The following RNF125 variants were observed in gnomAD, a reference collection of about 807,000 sequenced individuals.
RNF125 encodes the protein ring finger protein 125, also known as E3 ubiquitin-protein ligase RNF125.
Under a neutral mutation model 26.0 loss-of-function variants are expected in RNF125, and 21 were observed. The observed-to-expected ratio is 0.81, with a 90% confidence interval of 0.57 to 1.16. The LOEUF (loss-of-function observed/expected upper bound fraction) is 1.16, where lower values mean the gene tolerates loss of function less well. Among genes scored for constraint, RNF125 ranks in the 50% most tolerant of loss-of-function variants. The pLI is 0.00. For synonymous variants in RNF125, 95 were observed against 109.2 expected (o/e 0.87, Z 0.81); for missense variants, 270 against 299.4 (o/e 0.90, Z 0.72).
chr18:32,058,347 T>C (rs1412192289), intron 4 of RNF125, among the ~76,000 whole-genome samples: 1 of 128,948 alleles, frequency 7.8e-6, no homozygotes, highest in East Asian at 2.3e-4. Flanking sequence ...ACAATCCAAT[T>C]ATACTCTTTT....
At chr18:32,038,108 G>C (rs1426393644) in intron 2 of RNF125, among the ~76,000 whole-genome samples, 4 of 148,594 alleles carry the variant, frequency 2.7e-5, no homozygotes, top group Non-Finnish European at 5.9e-5. Flanking sequence ...CAGTGTAGTG[G>C]CGCCATCTCG....
intron 1 of RNF125, chr18:32,031,484 GGGAAAAAAAAAAAAA>G (rs781036053): frequency 1.3e-5 from 1 of 79,094 alleles, no homozygotes; most frequent in African/African-American, 8.2e-5. Flanking sequence ...CTCAAATTGT[GGGAAAAAAAAAAAAA>G]AAAAAAAAAA....
At chr18:32,032,805 G>C (rs1429969574) in intron 1 of RNF125, among the ~76,000 whole-genome samples, 1 of 152,110 alleles carries the variant, frequency 6.6e-6, no homozygotes, top group Admixed American at 6.6e-5. Context: ...GTTGCAGTGA[G>C]CCGAGATTGC....
chr18:32,080,863 G>A, the RNF125 span, among the ~76,000 whole-genome samples: 1 of 152,170 alleles, frequency 6.6e-6, no homozygotes, highest in African/African-American at 2.4e-5. Context: ...GGGACTGTGC[G>A]AGACTGCGTC....
chr18:32,088,752 G>A, the RNF125 span, among the ~76,000 whole-genome samples: 11 of 152,094 alleles, frequency 7.2e-5, no homozygotes, highest in Admixed American at 2.0e-4. Context: ...TGCCTGCCTC[G>A]GCCTCCCAGA....
chr18:32,024,071 A>G (rs1007920608), intron 1 of RNF125, among the ~76,000 whole-genome samples: 2 of 151,660 alleles, frequency 1.3e-5, no homozygotes, highest in Non-Finnish European at 2.9e-5. Flanking sequence ...CCAACTTTCT[A>G]TATTCATTTA....
the RNF125 span, among the ~76,000 whole-genome samples, chr18:32,083,967 A>T: frequency 6.6e-6 from 1 of 152,042 alleles, no homozygotes; most frequent in African/African-American, 2.4e-5. Context: ...GGAGGGAGAA[A>T]AGGTAAGAAA....
rs1207663448 is a variant in RNF125 at position 32,072,835 on chromosome 18, GGATT to G, written c.*4457_*4460del. 6.6e-6 allele frequency: 1 copy of G among 152,030 alleles called. No homozygotes were observed. Among genetic ancestry groups the G allele is most frequent in the Non-Finnish European group, 1.5e-5 (1 of 68,000 alleles). 9.4% of individuals were successfully genotyped at this position (152,030 alleles called of 1,614,324 possible). ...TTATTAAAATGTAGGTTGAAAGATT[GGATT>G]GATTGTGAATCTACACTAAAGATAT... is the stretch of plus-strand genomic sequence containing the variant. On this transcript the variant is annotated 3_prime_UTR_variant, in exon 6 of 6. Transcript: ENST00000217740.
At chr18:32,079,995 A>G in the RNF125 span, among the ~76,000 whole-genome samples, 153 of 152,242 alleles carry the variant, frequency 1.0e-3, no homozygotes, top group African/African-American at 3.4e-3. Flanking sequence ...AAATGAAGAA[A>G]ATGTTTAGCT....
At chr18:32,049,498 T>C (rs1405834242) in intron 4 of RNF125, among the ~76,000 whole-genome samples, 2 of 152,128 alleles carry the variant, frequency 1.3e-5, no homozygotes, top group Non-Finnish European at 2.9e-5. Context: ...CACTACACTT[T>C]TTCAATTCTA....
chr18:32,060,783 G>T (rs1216797571), intron 4 of RNF125, among the ~76,000 whole-genome samples: 1 of 152,154 alleles, frequency 6.6e-6, no homozygotes, highest in Non-Finnish European at 1.5e-5. Flanking sequence ...TCAGCCCATT[G>T]TTTTGCAATG....
chr18:32,085,721 AAAAG>A, the RNF125 span, among the ~76,000 whole-genome samples: 4 of 145,384 alleles, frequency 2.8e-5, no homozygotes, highest in African/African-American at 5.6e-5. Context: ...AAAAAAAAAA[AAAAG>A]AGAGAGAGAA....
intron 4 of RNF125, among the ~76,000 whole-genome samples, chr18:32,060,536 T>C (rs2039425054): frequency 1.3e-5 from 2 of 152,200 alleles, no homozygotes; most frequent in South Asian, 4.1e-4. Flanking sequence ...ATGTACACTG[T>C]ATAGTTGTTG....
At chr18:32,089,209 A>G in the RNF125 span, among the ~76,000 whole-genome samples, 4 of 152,230 alleles carry the variant, frequency 2.6e-5, no homozygotes, top group Admixed American at 1.3e-4. Flanking sequence ...GAGAACACCC[A>G]GGACACATTA....
At chr18:32,037,402 C>T (rs1057263173) in intron 2 of RNF125, 133 bp downstream of exon 2, 29 of 510,122 alleles carry the variant, frequency 5.7e-5, no homozygotes, top group Admixed American at 1.1e-4. Context: ...GACAGGTTCT[C>T]GCTCTTTCAC....
chr18:32,089,356 C>A, the RNF125 span, among the ~76,000 whole-genome samples: 1 of 152,182 alleles, frequency 6.6e-6, no homozygotes, highest in African/African-American at 2.4e-5. Context: ...CCTCCCTTCC[C>A]TTCTCCCAAA....
intron 1 of RNF125, among the ~76,000 whole-genome samples, chr18:32,036,101 C>T (rs996990440): frequency 6.7e-6 from 1 of 149,338 alleles, no homozygotes; most frequent in Non-Finnish European, 1.5e-5. Context: ...CTGCAGTGAG[C>T]TGAGATCGTG....
chr18:32,083,329 A>T, the RNF125 span, among the ~76,000 whole-genome samples: 2 of 152,240 alleles, frequency 1.3e-5, no homozygotes, highest in African/African-American at 4.8e-5. Context: ...TGGTCTCATG[A>T]CATTGTGACA....
chr18:32,077,036 A>G (rs1198758849), downstream of RNF125, among the ~76,000 whole-genome samples: 1 of 152,172 alleles, frequency 6.6e-6, no homozygotes, highest in Non-Finnish European at 1.5e-5. Context: ...TCCTCTCTCT[A>G]GAATATAAAT....
Sources: gnomAD v4.1 joint callset for allele counts (sites outside exome capture counted in the v4.1 genomes callset) on GRCh38, gnomAD v4.1.1 for gene constraint, MANE v1.5 for transcripts, NCBI Gene and HGNC (gene_info 2026-07-23, HGNC 2026-07-21) for gene names.